The following SERPINB6 variants were observed in gnomAD, a reference collection of about 807,000 sequenced individuals.
The protein encoded by SERPINB6 is serpin B6.
In SERPINB6, 16 loss-of-function variants were observed where a neutral mutation model predicts 26.1. The ratio of observed to expected loss-of-function variants is 0.61; its 90% CI spans 0.42 to 0.93. The LOEUF is 0.93. SERPINB6 is among the 40% of genes least tolerant of loss of function. The probability of loss-of-function intolerance (pLI) is 0.00; values close to 1 mark genes in which losing one functional copy is unlikely to be tolerated. For synonymous variants in SERPINB6, 174 were observed against 176.6 expected, an observed-to-expected ratio of 0.99 and a Z score of 0.11; for missense variants, 420 against 478.0, an observed-to-expected ratio of 0.88 and a Z score of 1.13.
At chr6:2,970,673 CATTA>C in intron 1 of SERPINB6, 6 of 1,152,324 alleles carry the variant, frequency 5.2e-6, no homozygotes, top group Non-Finnish European at 5.3e-6. Context: ...AGCATGTGAA[CATTA>C]ATTATTAATT....
intron 1 of SERPINB6, chr6:2,966,464 A>C (rs948867054): frequency 1.0e-6 from 1 of 964,394 alleles, no homozygotes; most frequent in African/African-American, 1.8e-5. Flanking sequence ...ACGCAGCAGG[A>C]GGTGAGCAGC....
intron 2 of SERPINB6, 128 bp from the exon 3 acceptor site, chr6:2,955,798 T>C: frequency 1.9e-6 from 2 of 1,052,838 alleles, no homozygotes; most frequent in Non-Finnish European, 2.8e-6. Context: ...TATCCGAGGC[T>C]GGGCGCAGCA....
intron 3 of SERPINB6, chr6:2,954,961 G>C (rs773396926): frequency 2.9e-5 from 13 of 450,394 alleles, no homozygotes; most frequent in Non-Finnish European, 4.9e-5. Context: ...GGGCCGAGGC[G>C]GGTGGATCGT....
intron 1 of SERPINB6, chr6:2,966,755 C>A: frequency 5.1e-6 from 1 of 196,938 alleles, no homozygotes; most frequent in Non-Finnish European, 9.2e-6. Flanking sequence ...CAAAGTCTTA[C>A]CAAACCATTT....
intron 1 of SERPINB6, chr6:2,959,874 T>G (rs1197901579): frequency 5.2e-6 from 1 of 191,388 alleles, no homozygotes; most frequent in African/African-American, 2.4e-5. Context: ...CAAAGATGCG[T>G]GAAAGCCTTT....
rs11335500 is a variant in SERPINB6, at chr6:2,970,990, GA to G, written c.-11+542del. 618,067 of 1,223,076 alleles carry G rather than the reference GA, an allele frequency of 0.51. 160,883 individuals carry two copies. The highest frequency in any genetic ancestry group is 0.83 in the African/African-American group (53,650 of 64,264). The allele number at this position is 1,223,076 out of a possible 1,614,324, so 75.8% of individuals were successfully genotyped here. A position where few individuals can be genotyped will look rare whatever the true frequency, so the allele number is the denominator to read the frequency against. On this transcript the variant is annotated intron_variant, in intron 1 of 6. Transcript: ENST00000380539. Reference sequence around the variant, plus strand: ...GGCCCGGATGGCACCGTTTGGCGCCGAACCCCTCGGCCTCTCTCCGCCTCCC... The same window carrying G: ...GGCCCGGATGGCACCGTTTGGCGCCGACCCCTCGGCCTCTCTCCGCCTCCC...
chr6:2,949,086 T>G lies in SERPINB6; in HGVS notation c.574-17A>C, dbSNP rs764700657. On this transcript the variant is annotated splice_polypyrimidine_tract_variant and intron_variant, in intron 5 of 6. Transcript: ENST00000380539. Reference sequence around the variant, plus strand: ...CTCCTCATTCTACAAAGAAAACAGATAAACATCAAGTTGAAACAAGACCCC... The same window carrying G: ...CTCCTCATTCTACAAAGAAAACAGAGAAACATCAAGTTGAAACAAGACCCC... 1.9e-6 allele frequency: 3 copies of G among 1,613,268 alleles called. No homozygotes were observed. The South Asian group carries it at 3.3e-5, about 18-fold the overall frequency.
Position 2,948,891 on chromosome 6 carries a change from C to T in SERPINB6, c.729+23G>A, listed in dbSNP as rs377097923. 6.8e-6 allele frequency: 11 copies of T among 1,614,148 alleles called. No homozygotes were observed. Among genetic ancestry groups the T allele is most frequent in the Non-Finnish European group, 8.5e-6 (10 of 1,180,024 alleles). On this transcript the variant is annotated intron_variant, in intron 6 of 6. Coordinates refer to ENST00000380539, the MANE Select transcript of SERPINB6 (RefSeq NM_004568.6). This position sits in a 1 kb window ranked among gnomAD's most constrained non-coding sequence, Gnocchi z 5.0. ...CCCGAGTGGCTCCTTGCTAGCACGC[C>T]TCGCTCACAGCTTAGCTGTTACCGT... is the stretch of plus-strand genomic sequence containing the variant.
intron 5 of SERPINB6, among the ~76,000 whole-genome samples, chr6:2,952,158 A>G (rs927219803): frequency 3.9e-5 from 6 of 152,224 alleles, no homozygotes; most frequent in Non-Finnish European, 8.8e-5. Context: ...AATTTTAAAG[A>G]GAGAAATTAT....
intron 1 of SERPINB6, chr6:2,963,396 A>T (rs374095865): frequency 6.6e-6 from 1 of 152,274 alleles, no homozygotes; most frequent in African/African-American, 2.4e-5. Flanking sequence ...TTTAAGTACC[A>T]TGTCTCCAGA....
intron 3 of SERPINB6, chr6:2,955,203 CA>C (rs66527971): frequency 0.015 from 3,392 of 220,848 alleles, no homozygotes; most frequent in South Asian, 0.027. Flanking sequence ...AAAAAAAAAA[CA>C]AAAAAAAAAA....
At chr6:2,950,494 C>CTG (rs1162753280) in intron 5 of SERPINB6, among the ~76,000 whole-genome samples, 1 of 147,700 alleles carries the variant, frequency 6.8e-6, no homozygotes, top group Non-Finnish European at 1.5e-5. Flanking sequence ...GATTGCACCG[C>CTG]TGCACTCCAG....
At chr6:2,950,653 A>C (rs1769683532) in intron 5 of SERPINB6, among the ~76,000 whole-genome samples, 1 of 152,174 alleles carries the variant, frequency 6.6e-6, no homozygotes, top group Non-Finnish European at 1.5e-5. Context: ...CACCAGAAAA[A>C]ACTGCACTGG....
intron 1 of SERPINB6, chr6:2,971,126 G>A (rs1228645230): frequency 1.9e-6 from 2 of 1,044,056 alleles, no homozygotes; most frequent in African/African-American, 1.7e-5. Flanking sequence ...CCTGTGGCCC[G>A]GGAGGCTCTG....
Position 2,951,971 on chromosome 6 carries a change from G to A in SERPINB6, c.573+1073C>T, listed in dbSNP as rs547779921. Among the ~76,000 whole-genome samples the A allele has an allele frequency of 1.1e-4, 17 of 152,282 alleles. No homozygotes were observed. In the South Asian group the frequency reaches 2.5e-3, roughly 22 times the overall value. ...TTGTGACCATGAGGAAGAAGGCGAC[G>A]TGCTGAGAATGGTGGAGCCGCCTCC... is the stretch of plus-strand genomic sequence containing the variant. On this transcript the variant is annotated intron_variant, in intron 5 of 6. Coordinates refer to ENST00000380539, the MANE Select transcript of SERPINB6 (RefSeq NM_004568.6).
chr6:2,959,005 C>T (rs1770799430), intron 2 of SERPINB6, among the ~76,000 whole-genome samples, 163 bp downstream of exon 2: 1 of 152,144 alleles, frequency 6.6e-6, no homozygotes, highest in African/African-American at 2.4e-5. Flanking sequence ...GTGTTGTCCC[C>T]AGGGTGCTCC....
chr6:2,953,812 C>T (rs558376648), intron 4 of SERPINB6, among the ~76,000 whole-genome samples: 1 of 152,012 alleles, frequency 6.6e-6, no homozygotes, highest in Non-Finnish European at 1.5e-5. Flanking sequence ...GGGTGGATCA[C>T]GAGGTCAAGA....
At chr6:2,968,732 T>C in intron 1 of SERPINB6, 1 of 1,231,634 alleles carries the variant, frequency 8.1e-7, no homozygotes, top group Non-Finnish European at 1.0e-6. Flanking sequence ...TGGATGTCAG[T>C]ACATAGTTAA....
At chr6:2,970,532 C>A (rs1772043038) in intron 1 of SERPINB6, 2 of 1,187,720 alleles carry the variant, frequency 1.7e-6, no homozygotes, top group Admixed American at 4.5e-5. Flanking sequence ...GATCTCATCG[C>A]ATCAGGCCTG....
Sources: allele counts gnomAD v4.1 joint callset (sites outside exome capture counted in the v4.1 genomes callset), GRCh38; gene constraint gnomAD v4.1.1; non-coding constraint Gnocchi (gnomAD v3.1); transcripts MANE v1.5; gene names NCBI Gene and HGNC (gene_info 2026-07-23, HGNC 2026-07-21).